The following FAM171B variants were observed in gnomAD, a reference collection of about 807,000 sequenced individuals.
FAM171B encodes family with sequence similarity 171 member B.
A neutral mutation model predicts 75.6 loss-of-function variants in FAM171B; 19 were observed. That is an observed-to-expected ratio of 0.25 (90% CI 0.18 to 0.37). The LOEUF (loss-of-function observed/expected upper bound fraction) is 0.37, where lower values mean the gene tolerates loss of function less well. Ranked by LOEUF, FAM171B falls within the 10% of genes least tolerant of loss-of-function variation. FAM171B has a pLI of 1.00. For synonymous variants in FAM171B, 367 were observed against 361.7 expected (o/e 1.01, Z -0.17); for missense variants, 848 against 982.4 (o/e 0.86, Z 1.83).
At chr2:186,750,481 C>A (rs991103056) in intron 4 of FAM171B, among the ~76,000 whole-genome samples, 5 of 152,102 alleles carry the variant, frequency 3.3e-5, no homozygotes, top group Non-Finnish European at 7.4e-5. Flanking sequence ...AGTTTATATT[C>A]TTTCAGTTGT....
rs761545454 is a variant in FAM171B, at chr2:186,761,974, A to T, written c.1632A>T (p.Thr544=). ...GCCAACCCATTGCCATCCTTCAAAC[A>T]TCTGACCTTTTCTCCACACCGGAAC... The part of the protein sequence containing the change: ...IYSQPIAILQ[T]SDLFSTPEQL... Residue 544 remains threonine, a synonymous_variant, in exon 8 of 8, where the codon ACA becomes ACT. Coordinates refer to ENST00000304698, the MANE Select transcript of FAM171B (RefSeq NM_177454.4). The T allele has an allele frequency of 6.2e-7, 1 of 1,613,552 alleles. No homozygotes were observed. The highest frequency in any genetic ancestry group is 8.5e-7 in the Non-Finnish European group (1 of 1,179,784).
chr2:186,730,021 G>A (rs566702880), intron 1 of FAM171B, among the ~76,000 whole-genome samples: 1 of 152,208 alleles, frequency 6.6e-6, no homozygotes, highest in South Asian at 2.1e-4. Flanking sequence ...GAGTACAGTG[G>A]CACGATCTCA....
At position 186,763,085 on chromosome 2, in the gene FAM171B, GA is replaced by G; in HGVS notation, c.*266del. ...AATAGCTTCAAGATGTTAGTTATCT[GA>G]AAATGTTGCTCAGCCAGCCAGTTTG... On this transcript the variant is annotated 3_prime_UTR_variant, in exon 8 of 8. Transcript: ENST00000304698. 2.7e-6 allele frequency: 1 copy of G among 365,856 alleles called. No individual in the cohort carries two copies. The highest frequency in any genetic ancestry group is 4.9e-6 in the Non-Finnish European group (1 of 203,670). 22.7% of individuals were successfully genotyped at this position (365,856 alleles called of 1,614,324 possible).
intron 1 of FAM171B, among the ~76,000 whole-genome samples, chr2:186,733,461 G>A (rs965615925): frequency 4.6e-5 from 7 of 152,180 alleles, no homozygotes; most frequent in East Asian, 1.9e-4. Context: ...GAGCCTTGGG[G>A]TGTCACTTTG....
At chr2:186,755,161 A>G (rs1690515622) in intron 6 of FAM171B, among the ~76,000 whole-genome samples, 1 of 152,170 alleles carries the variant, frequency 6.6e-6, no homozygotes, top group Non-Finnish European at 1.5e-5. Flanking sequence ...ATTTTGAAAA[A>G]AGAAAAATTC....
chr2:186,696,242 A>T (rs1369388524), intron 1 of FAM171B, among the ~76,000 whole-genome samples: 1 of 151,536 alleles, frequency 6.6e-6, no homozygotes, highest in African/African-American at 2.4e-5. Flanking sequence ...TTCCTCAAAA[A>T]CTCTAATTAC....
At chr2:186,724,665 A>G (rs1018116823) in intron 1 of FAM171B, among the ~76,000 whole-genome samples, 11 of 152,194 alleles carry the variant, frequency 7.2e-5, no homozygotes, top group African/African-American at 2.7e-4. Flanking sequence ...TGTCATTTTG[A>G]CAAAGACTTT....
intron 6 of FAM171B, among the ~76,000 whole-genome samples, chr2:186,760,234 T>C (rs1050695445): frequency 6.6e-6 from 1 of 152,132 alleles, no homozygotes; most frequent in African/African-American, 2.4e-5. Flanking sequence ...ATGGCATTCG[T>C]ATACGTATGT....
intron 3 of FAM171B, among the ~76,000 whole-genome samples, chr2:186,746,526 C>T (rs981693358): frequency 1.1e-4 from 16 of 152,170 alleles, no homozygotes; most frequent in Non-Finnish European, 8.8e-5. Context: ...TAATTGAAAA[C>T]TGGTTCTCTA....
chr2:186,749,562 A>C (rs775184179), intron 4 of FAM171B, among the ~76,000 whole-genome samples: 1 of 152,124 alleles, frequency 6.6e-6, no homozygotes, highest in Non-Finnish European at 1.5e-5. Flanking sequence ...TAGTACAGTT[A>C]ATTCTTATAT....
At chr2:186,761,374 C>T in intron 7 of FAM171B, 105 bp from the exon 8 acceptor site, 1 of 1,429,844 alleles carries the variant, frequency 7.0e-7, no homozygotes, top group African/African-American at 1.4e-5. Context: ...CTACATATCT[C>T]ACAATAGCAT....
In FAM171B at chr2:186,707,184, C is replaced by A. The variant is rs113593492; in HGVS notation, c.238+12773C>A. 8.9e-3 allele frequency among the ~76,000 whole-genome samples: 1,350 copies of A among 152,202 alleles called. 26 individuals carry two copies. The highest frequency in any genetic ancestry group is 0.031 in the African/African-American group (1,284 of 41,534). ...ATAATAAAACTAGACTTTTGATTTC[C>A]TAGCATGCCAGCCAAAATAAATATT... On this transcript the variant is annotated intron_variant, in intron 1 of 7. Coordinates refer to ENST00000304698, the MANE Select transcript of FAM171B (RefSeq NM_177454.4).
At chr2:186,707,236 A>G (rs373696021) in intron 1 of FAM171B, among the ~76,000 whole-genome samples, 6 of 152,190 alleles carry the variant, frequency 3.9e-5, no homozygotes, top group African/African-American at 7.2e-5. Context: ...CTAAAAACCA[A>G]TAAAGTGCTC....
intron 1 of FAM171B, among the ~76,000 whole-genome samples, chr2:186,719,388 T>C (rs1689918421): frequency 6.6e-6 from 1 of 152,210 alleles, no homozygotes; most frequent in Non-Finnish European, 1.5e-5. Flanking sequence ...CATTAAGTTT[T>C]CCCCACTTTA....
At chr2:186,713,056 A>T (rs1689830333) in intron 1 of FAM171B, among the ~76,000 whole-genome samples, 1 of 152,234 alleles carries the variant, frequency 6.6e-6, no homozygotes, top group Non-Finnish European at 1.5e-5. Context: ...CTGGGTGACC[A>T]TCTAAACCTC....
intron 3 of FAM171B, among the ~76,000 whole-genome samples, 177 bp downstream of exon 3, chr2:186,743,752 C>T (rs370401384): frequency 2.6e-5 from 4 of 152,258 alleles, no homozygotes; most frequent in South Asian, 4.1e-4. Flanking sequence ...ATGGTGTGGG[C>T]TTTTTTGTAT....
At chr2:186,714,486 A>C (rs573893694) in intron 1 of FAM171B, among the ~76,000 whole-genome samples, 11 of 152,326 alleles carry the variant, frequency 7.2e-5, no homozygotes, top group African/African-American at 2.6e-4. Context: ...AAGCAGAAGA[A>C]AGTCATGAAT....
At chr2:186,753,377 A>G (rs978041236) in intron 5 of FAM171B, among the ~76,000 whole-genome samples, 15 of 152,190 alleles carry the variant, frequency 9.9e-5, no homozygotes, top group African/African-American at 1.9e-4. Context: ...TGGAATGACA[A>G]TTCTTAATTA....
In FAM171B at chr2:186,743,593, T is replaced by C; in HGVS notation, c.565+18T>C. 6.8e-7 allele frequency: 1 copy of C among 1,479,106 alleles called. No homozygotes were observed. Among genetic ancestry groups the C allele is most frequent in the Non-Finnish European group, 9.4e-7 (1 of 1,059,130 alleles). The allele number at this position is 1,479,106 out of a possible 1,614,324, so 91.6% of individuals were successfully genotyped here. On this transcript the variant is annotated intron_variant, in intron 3 of 7. Transcript: ENST00000304698. ...ATTAGCTGGTAAGTACCATACTTCT[T>C]ACTAAGTAAACACTTAAAGTTATTG...
Sources: allele counts gnomAD v4.1 joint callset (sites outside exome capture counted in the v4.1 genomes callset), GRCh38; gene constraint gnomAD v4.1.1; transcripts MANE v1.5; gene names NCBI Gene and HGNC (gene_info 2026-07-23, HGNC 2026-07-21).